Variants in PCDHGA6 observed in about 807,000 individuals in gnomAD.
The protein encoded by PCDHGA6 is protocadherin gamma-A6.
Under a neutral mutation model 60.6 loss-of-function variants are expected in PCDHGA6, and 41 were observed. The observed-to-expected ratio is 0.68, with a 90% CI of 0.53 to 0.88. The LOEUF (loss-of-function observed/expected upper bound fraction) is 0.88, where lower values mean the gene tolerates loss of function less well. PCDHGA6 is among the 40% of genes least tolerant of loss of function. The pLI is 0.00. For synonymous variants in PCDHGA6, 594 were observed against 524.4 expected, an observed-to-expected ratio of 1.13 and a Z score of -1.81; for missense variants, 1,312 against 1,203.0, an observed-to-expected ratio of 1.09 and a Z score of -1.34.
intron 2 of PCDHGA6, among the ~76,000 whole-genome samples, chr5:141,503,295 T>C (rs567706089): frequency 6.6e-6 from 1 of 152,070 alleles, no homozygotes; most frequent in Non-Finnish European, 1.5e-5. Context: ...TACATAGAAA[T>C]TGCTCAAGAA....
chr5:141,422,836 G>A, intron 1 of PCDHGA6: 1 of 1,614,250 alleles, frequency 6.2e-7, no homozygotes, highest in Middle Eastern at 1.6e-4. Flanking sequence ...GATAGCACGT[G>A]ACAGCGGGGA....
rs1245731818 is a variant in PCDHGA6, at chr5:141,476,700, A to C, written c.2425-18107A>C. 1 of 1,614,096 alleles carries C rather than the reference A, an allele frequency of 6.2e-7. No homozygotes were observed. Among genetic ancestry groups the C allele is most frequent in the Non-Finnish European group, 8.5e-7 (1 of 1,180,016 alleles). On this transcript the variant is annotated intron_variant, in intron 1 of 3. Coordinates refer to ENST00000517434, the MANE Select transcript of PCDHGA6 (RefSeq NM_018919.3). This position sits in a 1 kb window ranked among gnomAD's most constrained non-coding sequence, Gnocchi z 7.6. Reference sequence around the variant, plus strand: ...CGGGAGGACAGCACCAAGTACGCGGAGCTGGTGTTGGAGCGCGCCCTGGAC... The same window carrying C: ...CGGGAGGACAGCACCAAGTACGCGGCGCTGGTGTTGGAGCGCGCCCTGGAC...
intron 2 of PCDHGA6, among the ~76,000 whole-genome samples, chr5:141,500,259 A>G (rs1595658540): frequency 6.6e-6 from 1 of 151,044 alleles, no homozygotes; most frequent in East Asian, 2.0e-4. Context: ...CCCAGGCTGG[A>G]CTGCAGTGGC....
At chr5:141,503,133 C>A (rs1164077875) in intron 2 of PCDHGA6, among the ~76,000 whole-genome samples, 1 of 152,002 alleles carries the variant, frequency 6.6e-6, no homozygotes, top group Non-Finnish European at 1.5e-5. Context: ...CTGGTAGCCC[C>A]TGACACAGCC....
At chr5:141,407,590 T>C (rs186034148) in intron 1 of PCDHGA6, among the ~76,000 whole-genome samples, 64 of 152,240 alleles carry the variant, frequency 4.2e-4, no homozygotes, top group Non-Finnish European at 7.1e-4. Context: ...CCTTAATGTC[T>C]CATCTTAAAA....
chr5:141,423,201 C>G, intron 1 of PCDHGA6: 1 of 1,613,628 alleles, frequency 6.2e-7, no homozygotes, highest in Non-Finnish European at 8.5e-7. Context: ...TCTCGGCCAC[C>G]GTCACGCTCA....
At chr5:141,463,460 T>TA (rs1554144871) in intron 1 of PCDHGA6, among the ~76,000 whole-genome samples, 2 of 136,122 alleles carry the variant, frequency 1.5e-5, no homozygotes, top group Non-Finnish European at 3.1e-5. Context: ...TTTTTTTTTT[T>TA]TTTTTTGAGA....
intron 1 of PCDHGA6, chr5:141,405,168 A>G: frequency 1.2e-6 from 2 of 1,613,960 alleles, no homozygotes. Flanking sequence ...CCCACCTCAC[A>G]CTTTGTGGGT....
In PCDHGA6 at chr5:141,385,016, C is replaced by G. The variant is rs536780147; in HGVS notation, c.2424+8509C>G. 1.9e-6 allele frequency: 3 copies of G among 1,614,186 alleles called. No individual in the cohort carries two copies. In the South Asian group the frequency reaches 3.3e-5, roughly 18 times the overall value. On this transcript the variant is annotated intron_variant, in intron 1 of 3. Transcript: ENST00000517434. ...GCCACAGTCTCCTGCGTCTTCCTAG[C>G]CTTCGTCCTCGTACTGCTGGCGCTC...
At chr5:141,465,266 C>G (rs2099099623) in intron 1 of PCDHGA6, among the ~76,000 whole-genome samples, 1 of 152,096 alleles carries the variant, frequency 6.6e-6, no homozygotes, top group South Asian at 2.1e-4. Flanking sequence ...ATGATACTAG[C>G]CATTTAGTTC....
At chr5:141,440,165 A>G (rs935524872) in intron 1 of PCDHGA6, 2 of 152,300 alleles carry the variant, frequency 1.3e-5, no homozygotes, top group African/African-American at 4.8e-5. Flanking sequence ...AGCTTGGGCC[A>G]TAACGCTTTG....
intron 1 of PCDHGA6, among the ~76,000 whole-genome samples, chr5:141,455,289 A>C (rs1592356100): frequency 6.6e-6 from 1 of 152,074 alleles, no homozygotes; most frequent in South Asian, 2.1e-4. Flanking sequence ...ATCACTTTAC[A>C]TAGTTTCATC....
intron 1 of PCDHGA6, chr5:141,410,165 T>G: frequency 1.9e-6 from 3 of 1,613,714 alleles, no homozygotes; most frequent in Non-Finnish European, 2.5e-6. Flanking sequence ...GCCGCCACTC[T>G]CTGCCACCGC....
Position 141,376,090 on chromosome 5 carries a change from C to T in PCDHGA6, c.2007C>T (p.Pro669=), listed in dbSNP as rs372887480. The T allele has an allele frequency of 6.8e-6, 11 of 1,613,674 alleles. No homozygotes were observed. The highest frequency in any genetic ancestry group is 1.7e-5 in the Admixed American group (1 of 60,002). The change falls in exon 1 of 4, where the codon CCC becomes CCT. Residue 669 remains proline, a synonymous_variant. Coordinates refer to ENST00000517434, the MANE Select transcript of PCDHGA6 (RefSeq NM_018919.3). ...CCGTGGCCGTGGCCGACAGGATCCC[C>T]GACATCCTGGCCGACCTGGGCAGCC... ...TLTVAVADRI[P]DILADLGSLE...
intron 1 of PCDHGA6, chr5:141,420,239 C>G (rs984335177): frequency 1.3e-6 from 2 of 1,593,300 alleles, no homozygotes; most frequent in African/African-American, 2.7e-5. Flanking sequence ...CATTTTAACT[C>G]CCAGCGTTGA....
Position 141,487,246 on chromosome 5 carries a change from C to T in PCDHGA6, c.2425-7561C>T. 1 of 1,614,166 alleles carries T rather than the reference C, an allele frequency of 6.2e-7. No individual in the cohort carries two copies. The highest frequency in any genetic ancestry group is 8.5e-7 in the Non-Finnish European group (1 of 1,180,014). ...GGGAAGGAGAATCTCGTCTAACCCTCTACTTGGCTGTGTCCCTAGTGGCAA... is the reference window on the plus strand; with the variant it reads ...GGGAAGGAGAATCTCGTCTAACCCTTTACTTGGCTGTGTCCCTAGTGGCAA... On this transcript the variant is annotated intron_variant, in intron 1 of 3. Coordinates refer to ENST00000517434, the MANE Select transcript of PCDHGA6 (RefSeq NM_018919.3). This position sits in a 1 kb window ranked among gnomAD's most constrained non-coding sequence, Gnocchi z 5.0.
At chr5:141,382,900 A>G (rs564801333) in intron 1 of PCDHGA6, 1 of 1,542,254 alleles carries the variant, frequency 6.5e-7, no homozygotes, top group South Asian at 1.3e-5. Context: ...CAGGACGACT[A>G]TGGCGGCTCA....
chr5:141,473,479 G>GA (rs150184379), intron 1 of PCDHGA6, among the ~76,000 whole-genome samples: 6,877 of 152,218 alleles, frequency 0.045, 184 homozygotes, highest in Middle Eastern at 0.088. Flanking sequence ...AAGTTCAATG[G>GA]AAAAAATATA....
chr5:141,383,435 C>T (rs749433529), intron 1 of PCDHGA6: 1 of 1,613,988 alleles, frequency 6.2e-7, no homozygotes, highest in Non-Finnish European at 8.5e-7. Context: ...CGCCACTTCT[C>T]CCTGGCTGTG....
Sources: gnomAD v4.1 joint callset for allele counts (sites outside exome capture counted in the v4.1 genomes callset) on GRCh38, gnomAD v4.1.1 for gene constraint, Gnocchi (gnomAD v3.1) non-coding constraint, MANE v1.5 for transcripts, NCBI Gene and HGNC (gene_info 2026-07-23, HGNC 2026-07-21) for gene names.